The following MEF2C variants were observed in gnomAD, a reference collection of about 807,000 sequenced individuals.
MEF2C encodes the protein myocyte-specific enhancer factor 2C.
In MEF2C, 6 loss-of-function variants were observed where a neutral mutation model predicts 50.5. The observed-to-expected ratio is 0.12, with a 90% CI of 0.07 to 0.23. The LOEUF (loss-of-function observed/expected upper bound fraction) is 0.23, where lower values mean the gene tolerates loss of function less well. Ranked by LOEUF, MEF2C falls within the 10% of genes least tolerant of loss-of-function variation. The probability of loss-of-function intolerance (pLI) is 1.00; values close to 1 mark genes in which losing one functional copy is unlikely to be tolerated. For missense variants in MEF2C, 276 were observed against 605.0 expected (o/e 0.46, Z 5.70); for synonymous variants, 183 against 228.0 (o/e 0.80, Z 1.78).
intron 2 of MEF2C, among the ~76,000 whole-genome samples, chr5:88,808,469 C>G (rs1455853516): frequency 6.6e-6 from 1 of 152,094 alleles, no homozygotes; most frequent in Non-Finnish European, 1.5e-5. Flanking sequence ...ACTTTTAGTG[C>G]TCCTCAATTT....
chr5:88,802,962 T>G (rs1238443612), intron 3 of MEF2C, among the ~76,000 whole-genome samples: 1 of 152,252 alleles, frequency 6.6e-6, no homozygotes, highest in East Asian at 1.9e-4. Flanking sequence ...TCAAATTCTT[T>G]TGTTACCCTG....
At chr5:88,757,120 A>C (rs1157009851) in intron 4 of MEF2C, among the ~76,000 whole-genome samples, 1 of 152,210 alleles carries the variant, frequency 6.6e-6, no homozygotes, top group East Asian at 1.9e-4. Flanking sequence ...CAGACATGAC[A>C]GCTAAAAAAC....
chr5:88,849,535 T>A (rs1820537617), intron 1 of MEF2C, among the ~76,000 whole-genome samples: 2 of 152,244 alleles, frequency 1.3e-5, no homozygotes. Flanking sequence ...TTCTATTTAA[T>A]CTGTGTCTTA....
At chr5:88,760,951 G>C in intron 4 of MEF2C, 3 of 1,586,324 alleles carry the variant, frequency 1.9e-6, no homozygotes, top group Non-Finnish European at 2.6e-6. Context: ...TACTGCAGCA[G>C]TTATCAGCAG....
At chr5:88,780,521 T>C (rs1039649359) in intron 3 of MEF2C, among the ~76,000 whole-genome samples, 3 of 152,190 alleles carry the variant, frequency 2.0e-5, no homozygotes, top group Non-Finnish European at 4.4e-5. Flanking sequence ...ATATTTAAAA[T>C]ACCTGTTCAC....
chr5:88,871,617 T>C (rs2149875450), intron 1 of MEF2C, among the ~76,000 whole-genome samples: 1 of 152,190 alleles, frequency 6.6e-6, no homozygotes, highest in Admixed American at 6.6e-5. Context: ...TCATCAATAT[T>C]ACCTGACATC....
chr5:88,772,822 C>T (rs1485135107), intron 3 of MEF2C: 1 of 985,264 alleles, frequency 1.0e-6, no homozygotes, highest in Non-Finnish European at 1.2e-6. Context: ...GATCTGACAG[C>T]AATGAGCAGG....
chr5:88,842,578 T>A (rs1475558114), intron 1 of MEF2C, among the ~76,000 whole-genome samples: 1 of 123,840 alleles, frequency 8.1e-6, no homozygotes, highest in Non-Finnish European at 1.6e-5. Context: ...GAAAAAAAAT[T>A]TCCTGAGAAT....
upstream of MEF2C, chr5:88,884,242 T>C (rs1276079835): frequency 6.6e-6 from 1 of 152,198 alleles, no homozygotes; most frequent in Non-Finnish European, 1.5e-5. Flanking sequence ...GCGACCCTAA[T>C]AGTTGCTCTT....
chr5:88,897,354 C>T lies in MEF2C; in HGVS notation c.-240+6562G>A, dbSNP rs568399533. ...GTAGCCTACGGCCGCAAAATAAACT[C>T]ACCCACAGGAGAATAAAGCCTATGG... On this transcript the variant is annotated intron_variant, in intron 1 of 11. Coordinates refer to the MEF2C transcript ENST00000340208. Among the ~76,000 whole-genome samples the T allele has an allele frequency of 3.9e-5, 6 of 152,324 alleles. No homozygotes were observed. The East Asian group carries it at 1.2e-3, about 29-fold the overall frequency.
At chr5:88,869,282 T>TATATATATATATATATATAC (rs1828613903) in intron 1 of MEF2C, among the ~76,000 whole-genome samples, 4 of 86,422 alleles carry the variant, frequency 4.6e-5, no homozygotes, top group Admixed American at 1.4e-4. Flanking sequence ...TATATACATA[T>TATATATATATATATATATAC]ATATATATAT....
chr5:88,798,009 GATCT>G (rs1198603470), intron 3 of MEF2C, among the ~76,000 whole-genome samples: 1 of 152,202 alleles, frequency 6.6e-6, no homozygotes, highest in Non-Finnish European at 1.5e-5. Flanking sequence ...TCTGTAGAGA[GATCT>G]GCTGTTAGAC....
chr5:88,835,082 A>C (rs1814537041), intron 1 of MEF2C, among the ~76,000 whole-genome samples: 1 of 152,232 alleles, frequency 6.6e-6, no homozygotes, highest in Non-Finnish European at 1.5e-5. Context: ...TGAGTATTTC[A>C]TGATGGCAAT....
intron 4 of MEF2C, among the ~76,000 whole-genome samples, chr5:88,755,705 T>C (rs2152563070): frequency 6.6e-6 from 1 of 152,364 alleles, no homozygotes; most frequent in Middle Eastern, 3.4e-3. Context: ...TACTTATAAA[T>C]GTTTAACTGT....
At chr5:88,864,389 C>T (rs779130790) in intron 1 of MEF2C, among the ~76,000 whole-genome samples, 8 of 151,762 alleles carry the variant, frequency 5.3e-5, no homozygotes, top group Non-Finnish European at 1.2e-4. Flanking sequence ...CCAAGCTTTA[C>T]ATTAAGAGCT....
chr5:88,866,172 A>G (rs1487929811), intron 1 of MEF2C, among the ~76,000 whole-genome samples: 1 of 152,254 alleles, frequency 6.6e-6, no homozygotes, highest in African/African-American at 2.4e-5. Flanking sequence ...CTGGGATTAC[A>G]GGAGTGAGCC....
At chr5:88,901,982 CTT>C (rs1224552247) in intron 1 of MEF2C, among the ~76,000 whole-genome samples, 17 of 151,746 alleles carry the variant, frequency 1.1e-4, no homozygotes. Context: ...TTTTGGTTTG[CTT>C]ATACTTAATG....
At chr5:88,853,706 C>A (rs183854178) in intron 1 of MEF2C, among the ~76,000 whole-genome samples, 3 of 152,102 alleles carry the variant, frequency 2.0e-5, no homozygotes, top group African/African-American at 7.2e-5. Flanking sequence ...TAGATGTCCA[C>A]GTAATGAATT....
chr5:88,845,577 G>A (rs769491413), intron 1 of MEF2C, among the ~76,000 whole-genome samples: 6 of 152,012 alleles, frequency 3.9e-5, no homozygotes, highest in Non-Finnish European at 8.8e-5. Flanking sequence ...TGAATCTTAC[G>A]CATCACAGTT....
Sources: gnomAD v4.1 joint callset for allele counts (sites outside exome capture counted in the v4.1 genomes callset) on GRCh38, gnomAD v4.1.1 for gene constraint, MANE v1.5 for transcripts, NCBI Gene and HGNC (gene_info 2026-07-23, HGNC 2026-07-21) for gene names.